PTPN23: variants seen among roughly 807,000 people sequenced by gnomAD.
PTPN23 encodes the protein tyrosine-protein phosphatase non-receptor type 23.
PTPN23 carries 72 observed loss-of-function variants against 156.3 expected under a neutral mutation model. The ratio of observed to expected loss-of-function variants is 0.46; its 90% CI spans 0.38 to 0.56. The LOEUF is 0.56. Ranked by LOEUF, PTPN23 falls within the 20% of genes least tolerant of loss-of-function variation. The pLI is 0.00. For missense variants in PTPN23, 1,974 were observed against 2,171.5 expected (o/e 0.91, Z 1.81); for synonymous variants, 957 against 899.6 (o/e 1.06, Z -1.14).
intron 1 of PTPN23, among the ~76,000 whole-genome samples, chr3:47,391,743 C>G (rs1013084599): frequency 6.6e-6 from 1 of 152,130 alleles, no homozygotes; most frequent in Non-Finnish European, 1.5e-5. Flanking sequence ...CTCTATCCCA[C>G]GAGACCTCTG....
Position 47,413,256 on chromosome 3 carries a change from AGCTTCTC to A in PTPN23, c.*72_*78del. 1 of 1,531,438 alleles carries A rather than the reference AGCTTCTC, an allele frequency of 6.5e-7. No homozygotes were observed. Among genetic ancestry groups the A allele is most frequent in the East Asian group, 2.3e-5 (1 of 44,154 alleles). The allele number at this position is 1,531,438 out of a possible 1,614,324, so 94.9% of individuals were successfully genotyped here. A position where few individuals can be genotyped will look rare whatever the true frequency, so the allele number is the denominator to read the frequency against. On this transcript the variant is annotated 3_prime_UTR_variant, in exon 25 of 25. Coordinates refer to ENST00000265562, the MANE Select transcript of PTPN23 (RefSeq NM_015466.4). ...ATGCCCACCTGCCCACACCCAGCAG[AGCTTCTC>A]AGTGGGCACAGTCTCTTACTCCCAT...
At position 47,406,581 on chromosome 3, in the gene PTPN23, T is replaced by G. The variant is rs1270232853; in HGVS notation, c.728T>G (p.Met243Arg). The stretch of plus-strand genomic sequence containing the variant: ...AAGGACTGGAAGAAACTTGTGCAGA[T>G]GAAGATCTACTACTTCGCAGCCGTG... ...IQKDWKKLVQ[M>R]KIYYFAAVAH... The change falls in exon 8 of 25, where the codon ATG becomes AGG. Residue 243 changes from methionine to arginine, a missense_variant. Met to Arg is a moderately conservative substitution (Grantham distance 91). Coordinates refer to ENST00000265562, the MANE Select transcript of PTPN23 (RefSeq NM_015466.4). This position sits in a 1 kb window ranked among gnomAD's most constrained non-coding sequence, Gnocchi z 5.8. 5 of 1,613,800 alleles carry G rather than the reference T, an allele frequency of 3.1e-6. No homozygotes were observed. The East Asian group carries it at 1.1e-4, about 36-fold the overall frequency.
At chr3:47,385,070 G>A (rs1376271877) in intron 1 of PTPN23, among the ~76,000 whole-genome samples, 4 of 152,000 alleles carry the variant, frequency 2.6e-5, no homozygotes, top group East Asian at 3.9e-4. Context: ...CCAGACCCAC[G>A]TAATTTTTTA....
intron 2 of PTPN23, among the ~76,000 whole-genome samples, chr3:47,400,310 A>G (rs1261276118): frequency 6.6e-6 from 1 of 152,182 alleles, no homozygotes; most frequent in Non-Finnish European, 1.5e-5. Flanking sequence ...CTCTGAAATA[A>G]ATTCTTGGCT....
chr3:47,391,619 G>A (rs1469213725), intron 1 of PTPN23, among the ~76,000 whole-genome samples: 4 of 152,204 alleles, frequency 2.6e-5, no homozygotes, highest in African/African-American at 9.6e-5. Flanking sequence ...AGGGGTGGGA[G>A]CAGCATCTTT....
At position 47,407,102 on chromosome 3, in the gene PTPN23, G is replaced by A. The variant is rs1009374780; in HGVS notation, c.808-28G>A. 3 of 1,613,682 alleles carry A rather than the reference G, an allele frequency of 1.9e-6. No individual in the cohort carries two copies. Among genetic ancestry groups the A allele is most frequent in the African/African-American group, 2.7e-5 (2 of 74,896 alleles). ...GAAAGGGTCCAAGCAGAGGAGGACA[G>A]AGCAGGCTTTCCTGCCACCCTCCAC... On this transcript the variant is annotated intron_variant, in intron 9 of 24. Transcript: ENST00000265562. The surrounding 1 kb of genome is among the most constrained non-coding windows in gnomAD (Gnocchi z 4.0).
At chr3:47,397,923 G>A (rs1046810023) in intron 2 of PTPN23, among the ~76,000 whole-genome samples, 1 of 151,932 alleles carries the variant, frequency 6.6e-6, no homozygotes, top group Admixed American at 6.6e-5. Context: ...CACCTGTCTC[G>A]GCTTCCCAAA....
At position 47,407,090 on chromosome 3, in the gene PTPN23, C is replaced by T; in HGVS notation, c.808-40C>T. 6.2e-7 allele frequency: 1 copy of T among 1,612,700 alleles called. No homozygotes were observed. Reference sequence around the variant, plus strand: ...GAGGCAGGAGGAGAAAGGGTCCAAGCAGAGGAGGACAGAGCAGGCTTTCCT... The same window carrying T: ...GAGGCAGGAGGAGAAAGGGTCCAAGTAGAGGAGGACAGAGCAGGCTTTCCT... On this transcript the variant is annotated intron_variant, in intron 9 of 24. Coordinates refer to ENST00000265562, the MANE Select transcript of PTPN23 (RefSeq NM_015466.4). The surrounding 1 kb of genome is among the most constrained non-coding windows in gnomAD (Gnocchi z 4.0).
At position 47,406,463 on chromosome 3, in the gene PTPN23, G is replaced by A; in HGVS notation, c.628-18G>A. On this transcript the variant is annotated intron_variant, in intron 7 of 24. Coordinates refer to ENST00000265562, the MANE Select transcript of PTPN23 (RefSeq NM_015466.4). The surrounding 1 kb of genome is among the most constrained non-coding windows in gnomAD (Gnocchi z 5.8). ...TACTGCTGACTCCCCCACTCATTGG[G>A]CCCCACCCTGTTCTCAGGTGGTAGA... is the stretch of plus-strand genomic sequence containing the variant. 6.2e-7 allele frequency: 1 copy of A among 1,613,888 alleles called. No homozygotes were observed. The highest frequency in any genetic ancestry group is 8.5e-7 in the Non-Finnish European group (1 of 1,179,988).
In PTPN23 at chr3:47,404,660, C is replaced by T. The variant is rs1281168625; in HGVS notation, c.168C>T (p.Val56=). Residue 56 remains valine, a synonymous_variant, in exon 3 of 25, where the codon GTC becomes GTT. Coordinates refer to ENST00000265562, the MANE Select transcript of PTPN23 (RefSeq NM_015466.4). The part of the protein sequence containing the change: ...KKLELLRQNA[V]RVPRDFEGCS... ...CCCATCCTGCCCCCCAGAATGCTGT[C>T]CGTGTCCCACGAGACTTTGAGGGCT... 9 of 1,613,740 alleles carry T rather than the reference C, an allele frequency of 5.6e-6. No homozygotes were observed. Among genetic ancestry groups the T allele is most frequent in the African/African-American group, 1.3e-5 (1 of 74,922 alleles).
rs781565034 is a variant in PTPN23 at position 47,406,657 on chromosome 3, G to A, written c.759+45G>A. 1 of 1,613,970 alleles carries A rather than the reference G, an allele frequency of 6.2e-7. No individual in the cohort carries two copies. On this transcript the variant is annotated intron_variant, in intron 8 of 24. Transcript: ENST00000265562. This position sits in a 1 kb window ranked among gnomAD's most constrained non-coding sequence, Gnocchi z 5.8. The stretch of plus-strand genomic sequence containing the variant: ...GGGCGGGGCAGGGCGGGGCTGAGTG[G>A]CCACAGCTCAGGAAGCAAGTCGTGG...
intron 15 of PTPN23, 132 bp downstream of exon 15, chr3:47,408,622 C>T: frequency 7.0e-7 from 1 of 1,423,646 alleles, no homozygotes; most frequent in Non-Finnish European, 9.5e-7. Context: ...CACACCCACT[C>T]CTCTGAATCA....
intron 21 of PTPN23, 40 bp downstream of exon 21, chr3:47,412,007 G>A (rs1705311974): frequency 6.2e-7 from 1 of 1,605,950 alleles, no homozygotes; most frequent in South Asian, 1.1e-5. Context: ...GGGTCTAAGT[G>A]CTGTCCAGTC....
Position 47,412,088 on chromosome 3 carries a change from C to T in PTPN23, c.4074-6C>T. ...AGGCTCTTCCTGGCCCCATCCTGTCCCACAGAGGCCTGCCCGACAGCCCCA... is the reference window on the plus strand; with the variant it reads ...AGGCTCTTCCTGGCCCCATCCTGTCTCACAGAGGCCTGCCCGACAGCCCCA... On this transcript the variant is annotated splice_region_variant and splice_polypyrimidine_tract_variant and intron_variant, in intron 21 of 24. Coordinates refer to ENST00000265562, the MANE Select transcript of PTPN23 (RefSeq NM_015466.4). 2 of 1,612,952 alleles carry T rather than the reference C, an allele frequency of 1.2e-6. No homozygotes were observed. The highest frequency in any genetic ancestry group is 4.5e-5 in the East Asian group (2 of 44,876).
intron 1 of PTPN23, among the ~76,000 whole-genome samples, chr3:47,388,664 C>CT (rs35817505): frequency 0.48 from 60,677 of 126,964 alleles, 16,630 homozygotes; most frequent in Non-Finnish European, 0.6. Context: ...ACTACTAGAT[C>CT]TTTTTTTTTT....
At position 47,406,806 on chromosome 3, in the gene PTPN23, G is replaced by T; in HGVS notation, c.807+56G>T. 6.2e-7 allele frequency: 1 copy of T among 1,600,730 alleles called. No homozygotes were observed. Among genetic ancestry groups the T allele is most frequent in the Non-Finnish European group, 8.5e-7 (1 of 1,171,508 alleles). ...CAATGGCAGCCTTCAGTGAGATGCC[G>T]GTGTGCTCCCGCTCCTTACACACCA... On this transcript the variant is annotated intron_variant, in intron 9 of 24. Coordinates refer to ENST00000265562, the MANE Select transcript of PTPN23 (RefSeq NM_015466.4). The surrounding 1 kb of genome is among the most constrained non-coding windows in gnomAD (Gnocchi z 5.8).
rs1705341267 is a variant in PTPN23, at chr3:47,412,527, T to C, written c.4331T>C (p.Phe1444Ser). 6.2e-7 allele frequency: 1 copy of C among 1,613,424 alleles called. No homozygotes were observed. Among genetic ancestry groups the C allele is most frequent in the Non-Finnish European group, 8.5e-7 (1 of 1,179,950 alleles). ...GCACCTGTGCAGCTGCACCTCAGGT[T>C]CTGCTATGAGGCAGTGGTGAGACAC... is the stretch of plus-strand genomic sequence containing the variant. ...HMLQEKLHLR[F>S]CYEAVVRHVE... Residue 1444 changes from phenylalanine (F) to serine (S), a missense_variant, in exon 24 of 25, where the codon TTC (phenylalanine) becomes TCC (serine). This residue lies in a region of PTPN23 where 484 missense variants were observed against 516.0 expected (regional missense o/e 0.94). Coordinates refer to ENST00000265562, the MANE Select transcript of PTPN23 (RefSeq NM_015466.4).
chr3:47,403,887 C>A (rs1484716974), intron 2 of PTPN23, among the ~76,000 whole-genome samples: 1 of 152,134 alleles, frequency 6.6e-6, no homozygotes, highest in Non-Finnish European at 1.5e-5. Flanking sequence ...GCGTTCATAT[C>A]CAAGCATTTG....
Position 47,411,746 on chromosome 3 carries a change from G to A in PTPN23, c.3889-37G>A, listed in dbSNP as rs772297665. 1.4e-5 allele frequency: 22 copies of A among 1,592,568 alleles called. No individual in the cohort carries two copies. The South Asian group carries it at 2.1e-4, about 15-fold the overall frequency. On this transcript the variant is annotated intron_variant, in intron 20 of 24. Transcript: ENST00000265562. The surrounding 1 kb of genome is among the most constrained non-coding windows in gnomAD (Gnocchi z 6.3). ...GTGGGGTGGCAGGGCAGGGGATCCT[G>A]GAAAACCAGGTCTGTCTTGGCTTAT...
Sources: gnomAD v4.1 joint callset for allele counts (sites outside exome capture counted in the v4.1 genomes callset) on GRCh38, gnomAD v4.1.1 for gene constraint, gnomAD v4.1.1 regional missense constraint, Gnocchi (gnomAD v3.1) non-coding constraint, MANE v1.5 for transcripts, NCBI Gene and HGNC (gene_info 2026-07-23, HGNC 2026-07-21) for gene names.